Variants in PDE11A observed in about 807,000 individuals in gnomAD.
PDE11A encodes the protein dual 3',5'-cyclic-AMP and -GMP phosphodiesterase 11A.
Under a neutral mutation model 100.5 loss-of-function variants are expected in PDE11A, and 100 were observed. The observed-to-expected ratio is 1.00, with a 90% CI of 0.85 to 1.18. PDE11A has a LOEUF of 1.18. PDE11A is among the 50% of genes most tolerant of loss of function. The pLI is 0.00. For missense variants in PDE11A, 1,141 were observed against 1,152.6 expected, an observed-to-expected ratio of 0.99 and a Z score of 0.15; for synonymous variants, 381 against 420.8, an observed-to-expected ratio of 0.91 and a Z score of 1.16.
intron 19 of PDE11A, among the ~76,000 whole-genome samples, chr2:177,656,697 G>T (rs967047852): frequency 6.6e-6 from 1 of 152,236 alleles, no homozygotes; most frequent in South Asian, 2.1e-4. Flanking sequence ...GAGACAGAAA[G>T]ATAATCACAT....
chr2:177,945,079 C>T (rs1233379174), intron 2 of PDE11A, among the ~76,000 whole-genome samples: 1 of 150,102 alleles, frequency 6.7e-6, no homozygotes, highest in East Asian at 2.0e-4. Flanking sequence ...GCCTTGGCCT[C>T]CCGAGGTGCC....
At chr2:177,692,777 A>ATT (rs2081058490) in intron 15 of PDE11A, among the ~76,000 whole-genome samples, 1 of 152,204 alleles carries the variant, frequency 6.6e-6, no homozygotes, top group Non-Finnish European at 1.5e-5. Flanking sequence ...TTCATATGCC[A>ATT]TTTGAATGAC....
intron 2 of PDE11A, among the ~76,000 whole-genome samples, chr2:177,924,081 C>T (rs1008852027): frequency 6.6e-6 from 1 of 152,144 alleles, no homozygotes; most frequent in Non-Finnish European, 1.5e-5. Flanking sequence ...GTAAGCAAGT[C>T]GGACACAGCT....
chr2:177,696,814 T>C (rs892285316), intron 15 of PDE11A, among the ~76,000 whole-genome samples: 2 of 152,156 alleles, frequency 1.3e-5, no homozygotes, highest in Non-Finnish European at 2.9e-5. Context: ...TGGCGCCTGA[T>C]AGAGCAGGTC....
intron 9 of PDE11A, among the ~76,000 whole-genome samples, chr2:177,773,888 G>C (rs947622155): frequency 6.6e-6 from 1 of 152,182 alleles, no homozygotes; most frequent in African/African-American, 2.4e-5. Flanking sequence ...AGAATCCGTA[G>C]AAAAACCAAC....
intron 12 of PDE11A, among the ~76,000 whole-genome samples, chr2:177,714,582 C>A (rs951780933): frequency 1.3e-5 from 2 of 152,200 alleles, no homozygotes; most frequent in South Asian, 4.1e-4. Flanking sequence ...CCCTTGAACA[C>A]TGGCGACGTC....
intron 19 of PDE11A, among the ~76,000 whole-genome samples, chr2:177,654,262 G>A (rs2080349610): frequency 6.6e-6 from 1 of 152,232 alleles, no homozygotes; most frequent in African/African-American, 2.4e-5. Context: ...GCTCATGCCT[G>A]TAATCCCAGC....
At chr2:177,977,475 G>A (rs2085824380) in intron 2 of PDE11A, among the ~76,000 whole-genome samples, 1 of 113,584 alleles carries the variant, frequency 8.8e-6, no homozygotes, top group Non-Finnish European at 1.9e-5. Context: ...CATGCTCATG[G>A]GTAGGAAGAA....
intron 9 of PDE11A, among the ~76,000 whole-genome samples, chr2:177,805,026 C>G (rs1009647823): frequency 1.3e-5 from 2 of 151,466 alleles, no homozygotes; most frequent in African/African-American, 2.4e-5. Context: ...TGGCTCACCA[C>G]TACATAATAT....
intron 6 of PDE11A, 27 bp downstream of exon 6, chr2:177,840,224 G>T: frequency 1.2e-6 from 2 of 1,612,670 alleles, no homozygotes; most frequent in Non-Finnish European, 1.7e-6. Context: ...TGAAACTTAG[G>T]ATTGCAACCA....
chr2:178,050,543 T>C (rs1386492430), intron 1 of PDE11A, among the ~76,000 whole-genome samples: 1 of 151,746 alleles, frequency 6.6e-6, no homozygotes, highest in Non-Finnish European at 1.5e-5. Context: ...AGAAGATCGG[T>C]AATAACAAAC....
intron 19 of PDE11A, among the ~76,000 whole-genome samples, chr2:177,639,365 T>C (rs977390200): frequency 2.0e-5 from 3 of 152,202 alleles, no homozygotes; most frequent in African/African-American, 7.2e-5. Context: ...TCTTGCTTAG[T>C]ATCCCACAAG....
At chr2:177,846,301 G>A (rs2083601882) in intron 5 of PDE11A, among the ~76,000 whole-genome samples, 1 of 152,184 alleles carries the variant, frequency 6.6e-6, no homozygotes, top group Admixed American at 6.5e-5. Flanking sequence ...AGATTAAGGT[G>A]ATAATTCATG....
At chr2:177,850,138 T>C (rs1010801893) in intron 5 of PDE11A, among the ~76,000 whole-genome samples, 1 of 152,188 alleles carries the variant, frequency 6.6e-6, no homozygotes, top group Non-Finnish European at 1.5e-5. Flanking sequence ...CAAACTTTAC[T>C]ACAAGGGTAC....
chr2:177,648,437 C>T (rs75894568), intron 19 of PDE11A, among the ~76,000 whole-genome samples: 2,449 of 152,198 alleles, frequency 0.016, 28 homozygotes, highest in South Asian at 0.033. Flanking sequence ...ATTAAACTTC[C>T]TAATGGGCAA....
chr2:177,839,695 T>C (rs1026565126), intron 6 of PDE11A, among the ~76,000 whole-genome samples: 5 of 152,182 alleles, frequency 3.3e-5, no homozygotes, highest in African/African-American at 1.2e-4. Context: ...ATAGGAAACC[T>C]TGTATTTAAT....
intron 13 of PDE11A, among the ~76,000 whole-genome samples, chr2:177,703,626 C>T (rs1166734614): frequency 6.6e-6 from 1 of 152,158 alleles, no homozygotes; most frequent in Non-Finnish European, 1.5e-5. Flanking sequence ...TAGTGTGAAT[C>T]TTTTGTATCT....
At chr2:178,052,878 TACCA>T (rs1479793600) in intron 1 of PDE11A, among the ~76,000 whole-genome samples, 1 of 152,038 alleles carries the variant, frequency 6.6e-6, no homozygotes, top group African/African-American at 2.4e-5. Context: ...ATTAAGAGCC[TACCA>T]ACAAAAAAAA....
chr2:177,715,259 G>A (rs1406169902), intron 12 of PDE11A, among the ~76,000 whole-genome samples: 1 of 152,112 alleles, frequency 6.6e-6, no homozygotes, highest in Non-Finnish European at 1.5e-5. Flanking sequence ...AGTTGCTTTC[G>A]AGAAGAACAT....
Sources: gnomAD v4.1 joint callset for allele counts (sites outside exome capture counted in the v4.1 genomes callset) on GRCh38, gnomAD v4.1.1 for gene constraint, MANE v1.5 for transcripts, NCBI Gene and HGNC (gene_info 2026-07-23, HGNC 2026-07-21) for gene names.